The following PPFIBP1 variants were observed in gnomAD, a reference collection of about 807,000 sequenced individuals.
The protein encoded by PPFIBP1 is PPFIB scaffold protein 1, also known as liprin-beta-1.
A neutral mutation model predicts 137.8 loss-of-function variants in PPFIBP1; 112 were observed. The observed-to-expected ratio is 0.81, with a 90% CI of 0.70 to 0.95. The LOEUF is 0.95. Among genes scored for constraint, PPFIBP1 ranks in the 40% least tolerant of loss-of-function variants. PPFIBP1 has a pLI of 0.00. For synonymous variants in PPFIBP1, 378 were observed against 417.3 expected, an observed-to-expected ratio of 0.91 and a Z score of 1.15; for missense variants, 1,083 against 1,196.6, an observed-to-expected ratio of 0.91 and a Z score of 1.40.
At chr12:27,585,722 A>G (rs1171637343) in intron 2 of PPFIBP1, among the ~76,000 whole-genome samples, 1 of 152,144 alleles carries the variant, frequency 6.6e-6, no homozygotes, top group East Asian at 1.9e-4. Context: ...GTTAATTCCA[A>G]CCTGCTCTGT....
At chr12:27,576,960 A>G (rs971527762) in intron 1 of PPFIBP1, among the ~76,000 whole-genome samples, 8 of 152,134 alleles carry the variant, frequency 5.3e-5, no homozygotes, top group Admixed American at 1.3e-4. Flanking sequence ...TTCAGAGCGC[A>G]CCCTAGTCTT....
intron 2 of PPFIBP1, among the ~76,000 whole-genome samples, chr12:27,600,364 A>G (rs1404842396): frequency 6.6e-6 from 1 of 151,716 alleles, no homozygotes; most frequent in Admixed American, 6.6e-5. Flanking sequence ...TGAACCCGGG[A>G]GGCAGAAGTT....
rs755297298 is a variant in PPFIBP1, at chr12:27,691,784, G to A, written c.2721G>A (p.Leu907=). 1.7e-5 allele frequency: 27 copies of A among 1,611,122 alleles called. No homozygotes were observed. The highest frequency in any genetic ancestry group is 1.3e-5 in the African/African-American group (1 of 74,864). Reference sequence around the variant, plus strand: ...TTGCCTTTAGCAATTTTGGGAATTTGAGAAAGAAGAAACAGGAAGATGGTG... The same window carrying A: ...TTGCCTTTAGCAATTTTGGGAATTTAAGAAAGAAGAAACAGGAAGATGGTG... ...KKLAFSNFGN[L]RKKKQEDGEE... is the part of the protein sequence containing the mutation. Residue 907 remains leucine, a synonymous_variant, in exon 28 of 30, where the codon TTG becomes TTA. Coordinates refer to ENST00000228425, the MANE Select transcript of PPFIBP1 (RefSeq NM_003622.4).
At chr12:27,533,944 T>A (rs1944682739) in intron 1 of PPFIBP1, among the ~76,000 whole-genome samples, 1 of 152,230 alleles carries the variant, frequency 6.6e-6, no homozygotes, top group Admixed American at 6.5e-5. Context: ...CAAAGCTGTA[T>A]CCAACAGACT....
chr12:27,643,899 A>G (rs1057236595), intron 4 of PPFIBP1, among the ~76,000 whole-genome samples: 1 of 137,872 alleles, frequency 7.3e-6, no homozygotes, highest in African/African-American at 2.8e-5. Context: ...ATATCAATAC[A>G]GTACTGAGAA....
Position 27,556,724 on chromosome 12 carries a change from G to T in PPFIBP1, c.-123-21428G>T, listed in dbSNP as rs1028934541. Among the ~76,000 whole-genome samples, 4 of 152,206 alleles carry T rather than the reference G, an allele frequency of 2.6e-5. No individual in the cohort carries two copies. In the South Asian group the frequency reaches 8.3e-4, roughly 31 times the overall value. ...CCTAATATTCAAGCGTTCAGCAGGA[G>T]AGAGCAAGTTAGAAGACTGTCTCTC... On this transcript the variant is annotated intron_variant, in intron 1 of 29. Transcript: ENST00000228425.
At position 27,633,363 on chromosome 12, in the gene PPFIBP1, T is replaced by A; in HGVS notation, c.-34T>A. ...AATGATAACCTTATTTTTTTTCAGA[T>A]CTGGGTTGGAATTTGCCCCTGACAA... On this transcript the variant is annotated splice_region_variant and 5_prime_UTR_variant, in exon 3 of 30. Coordinates refer to ENST00000228425, the MANE Select transcript of PPFIBP1 (RefSeq NM_003622.4). 5.6e-6 allele frequency: 9 copies of A among 1,605,632 alleles called. No homozygotes were observed. The highest frequency in any genetic ancestry group is 7.7e-6 in the Non-Finnish European group (9 of 1,172,920).
chr12:27,566,904 T>A (rs539458275), intron 1 of PPFIBP1, among the ~76,000 whole-genome samples: 1 of 152,304 alleles, frequency 6.6e-6, no homozygotes, highest in Admixed American at 6.5e-5. Flanking sequence ...AACATCTGTT[T>A]CCTACCCCTG....
At chr12:27,656,019 G>T (rs2059176137) in intron 8 of PPFIBP1, among the ~76,000 whole-genome samples, 1 of 152,114 alleles carries the variant, frequency 6.6e-6, no homozygotes, top group African/African-American at 2.4e-5. Context: ...TTAAAAGAGG[G>T]CTCCACTATC....
chr12:27,603,533 A>G (rs11049063), intron 2 of PPFIBP1, among the ~76,000 whole-genome samples: 62,740 of 152,028 alleles, frequency 0.41, 14,265 homozygotes, highest in Non-Finnish European at 0.5. Context: ...TTATCTGACT[A>G]TCTCCCCCAC....
intron 1 of PPFIBP1, among the ~76,000 whole-genome samples, chr12:27,528,070 T>C (rs1943982918): frequency 6.6e-6 from 1 of 152,046 alleles, no homozygotes; most frequent in African/African-American, 2.4e-5. Context: ...TGCCTCAGGG[T>C]CCCAGTTAGC....
intron 2 of PPFIBP1, chr12:27,592,821 T>C: frequency 1.6e-6 from 1 of 640,104 alleles, no homozygotes; most frequent in Non-Finnish European, 2.8e-6. Flanking sequence ...TACTCATTTA[T>C]GGAACTCACA....
intron 1 of PPFIBP1, among the ~76,000 whole-genome samples, chr12:27,574,745 C>T (rs529532380): frequency 6.6e-6 from 1 of 152,308 alleles, no homozygotes; most frequent in East Asian, 1.9e-4. Flanking sequence ...AGGAGCTGGA[C>T]TGCCTGGGTT....
At chr12:27,558,822 T>C (rs1262266727) in intron 1 of PPFIBP1, among the ~76,000 whole-genome samples, 1 of 152,164 alleles carries the variant, frequency 6.6e-6, no homozygotes, top group Non-Finnish European at 1.5e-5. Context: ...TTAACCTATT[T>C]TTCTGGATAT....
At chr12:27,611,268 T>C (rs1273496135) in intron 2 of PPFIBP1, among the ~76,000 whole-genome samples, 1 of 152,182 alleles carries the variant, frequency 6.6e-6, no homozygotes, top group African/African-American at 2.4e-5. Flanking sequence ...TTCTGGATGC[T>C]GAAAGTATTG....
chr12:27,570,862 G>A (rs1275298860), intron 1 of PPFIBP1, among the ~76,000 whole-genome samples: 3 of 152,010 alleles, frequency 2.0e-5, no homozygotes, highest in African/African-American at 4.8e-5. Context: ...GCAGTTAGCC[G>A]AGATGGCACC....
chr12:27,563,386 G>A (rs1592490685), intron 1 of PPFIBP1, among the ~76,000 whole-genome samples: 1 of 149,458 alleles, frequency 6.7e-6, no homozygotes, highest in Admixed American at 6.7e-5. Flanking sequence ...GAACCTGGGA[G>A]GCGGAGTTTG....
intron 13 of PPFIBP1, among the ~76,000 whole-genome samples, chr12:27,671,108 T>TAA (rs538805393): frequency 0.01 from 1,578 of 151,874 alleles, 10 homozygotes; most frequent in Non-Finnish European, 0.016. Flanking sequence ...TTCAAGACCA[T>TAA]TCTGGGCAAC....
rs1166235478 is a variant in PPFIBP1 at position 27,681,623 on chromosome 12, A to T, written c.1973A>T (p.Tyr658Phe). 2 of 1,614,176 alleles carry T rather than the reference A, an allele frequency of 1.2e-6. No individual in the cohort carries two copies. Among genetic ancestry groups the T allele is most frequent in the Non-Finnish European group, 1.7e-6 (2 of 1,180,010 alleles). ...CTGATGGAACAGGGCTTGGGCTCGT[A>T]CCTGAATTCTGGCAAGCACTGGATT... ...NWLMEQGLGSYLNSGKHWIAS... is the reference protein window; with the variant it reads ...NWLMEQGLGSFLNSGKHWIAS... Residue 658 changes from tyrosine to phenylalanine, a missense_variant, in exon 22 of 30, where the codon TAC becomes TTC. By Grantham distance (22) the Tyr-to-Phe change is conservative (BLOSUM62 3). Transcript: ENST00000228425.
Sources: gnomAD v4.1 joint callset for allele counts (sites outside exome capture counted in the v4.1 genomes callset) on GRCh38, gnomAD v4.1.1 for gene constraint, MANE v1.5 for transcripts, NCBI Gene and HGNC (gene_info 2026-07-23, HGNC 2026-07-21) for gene names.